The following SYMPK variants were observed in gnomAD, a reference collection of about 807,000 sequenced individuals.
SYMPK encodes the protein symplekin scaffold protein, also known as symplekin.
SYMPK carries 49 observed loss-of-function variants against 136.4 expected under a neutral mutation model. That is an observed-to-expected ratio of 0.36 (90% CI 0.29 to 0.46). The LOEUF (loss-of-function observed/expected upper bound fraction) is 0.46, where lower values mean the gene tolerates loss of function less well. Ranked by LOEUF, SYMPK falls within the 20% of genes least tolerant of loss-of-function variation. The probability of loss-of-function intolerance (pLI) is 1.00; values close to 1 mark genes in which losing one functional copy is unlikely to be tolerated. For missense variants in SYMPK, 1,365 were observed against 1,690.0 expected, an observed-to-expected ratio of 0.81 and a Z score of 3.37; for synonymous variants, 766 against 713.0, an observed-to-expected ratio of 1.07 and a Z score of -1.19.
At chr19:45,827,449 A>G in intron 16 of SYMPK, 61 bp downstream of exon 16, 2 of 1,224,638 alleles carry the variant, frequency 1.6e-6, no homozygotes, top group Admixed American at 1.7e-5. Flanking sequence ...GTTACTCAGG[A>G]TAGAGGCGGC....
chr19:45,836,939 T>C (rs929692122), intron 10 of SYMPK, among the ~76,000 whole-genome samples: 1 of 152,194 alleles, frequency 6.6e-6, no homozygotes, highest in African/African-American at 2.4e-5. Context: ...ATTAAAATTG[T>C]GGAATACAGC....
chr19:45,854,414 C>T lies in SYMPK; in HGVS notation c.82G>A (p.Asp28Asn), dbSNP rs371089842. 35 of 1,614,032 alleles carry T rather than the reference C, an allele frequency of 2.2e-5. No individual in the cohort carries two copies. The East Asian group carries it at 4.9e-4, about 23-fold the overall frequency. The change falls in exon 2 of 27, where the codon GAT (aspartate) becomes AAT (asparagine). Residue 28 changes from aspartate (D) to asparagine (N), a missense_variant. Around this residue, in one of 11 missense-constraint regions of SYMPK, gnomAD observed 61 missense variants for 80.7 expected, o/e 0.76. Coordinates refer to ENST00000245934, the MANE Select transcript of SYMPK (RefSeq NM_004819.3). ...ACCCTCTCTGAGGTGGTCATGCCAT[C>T]GATGCCCGGCCCCTCCTCTTGAGTG... The part of the protein sequence containing the change: ...FFTQEEGPGI[D>N]GMTTSERVVD...
At chr19:45,859,953 TA>T (rs61203536) in intron 1 of SYMPK, among the ~76,000 whole-genome samples, 40,564 of 84,470 alleles carry the variant, frequency 0.48, 9,413 homozygotes, top group Non-Finnish European at 0.55. Flanking sequence ...AGACTCCATC[TA>T]AAAAAAAAAA....
chr19:45,844,263 G>T, intron 7 of SYMPK, 63 bp from the exon 8 acceptor site: 1 of 1,381,272 alleles, frequency 7.2e-7, no homozygotes, highest in Non-Finnish European at 9.7e-7. Context: ...GGAGACAGCA[G>T]CTTTTGGGAC....
chr19:45,822,966 C>CAGAG, intron 20 of SYMPK, 120 bp from the exon 21 acceptor site: 1 of 765,806 alleles, frequency 1.3e-6, no homozygotes, highest in Non-Finnish European at 2.2e-6. Flanking sequence ...CTCACTGAGC[C>CAGAG]CCTCCTACCC....
intron 1 of SYMPK, among the ~76,000 whole-genome samples, chr19:45,859,325 T>C (rs1007437999): frequency 6.9e-6 from 1 of 145,478 alleles, no homozygotes; most frequent in Non-Finnish European, 1.5e-5. Flanking sequence ...GGGCATGGTG[T>C]GGTGGCTCAC....
intron 1 of SYMPK, among the ~76,000 whole-genome samples, chr19:45,857,206 G>A (rs1221109244): frequency 2.0e-5 from 3 of 151,672 alleles, no homozygotes; most frequent in African/African-American, 4.8e-5. Context: ...TCAGGAGATC[G>A]AGACCATCCT....
In SYMPK at chr19:45,821,730, G is replaced by A. The variant is rs1217035636; in HGVS notation, c.2792-245C>T. Reference sequence around the variant, plus strand: ...CCTGGGCTCCCACCCTGGGTAGCGTGTGGCACGGCTGGGTCTCTCTGCCCC... The same window carrying A: ...CCTGGGCTCCCACCCTGGGTAGCGTATGGCACGGCTGGGTCTCTCTGCCCC... On this transcript the variant is annotated intron_variant, in intron 21 of 26. Transcript: ENST00000245934. This position sits in a 1 kb window ranked among gnomAD's most constrained non-coding sequence, Gnocchi z 4.4. 2.6e-5 allele frequency among the ~76,000 whole-genome samples: 4 copies of A among 152,240 alleles called. No individual in the cohort carries two copies. The East Asian group carries it at 7.7e-4, about 29-fold the overall frequency.
At chr19:45,826,808 C>G (rs1009745904) in intron 16 of SYMPK, among the ~76,000 whole-genome samples, 1 of 152,222 alleles carries the variant, frequency 6.6e-6, no homozygotes, top group Non-Finnish European at 1.5e-5. Flanking sequence ...ATGGCCAGGG[C>G]CAGGGCCAGG....
intron 7 of SYMPK, among the ~76,000 whole-genome samples, chr19:45,844,691 T>C (rs1212375990): frequency 6.6e-6 from 1 of 151,570 alleles, no homozygotes; most frequent in East Asian, 1.9e-4. Flanking sequence ...AAAAAAAATT[T>C]AGTTATAAAG....
In SYMPK at chr19:45,815,607, G is replaced by A; in HGVS notation, c.3778C>T (p.Pro1260Ser). ...GGTTCCCTGGCGTCCTCGGCAGCCG[G>A]GCTGGGAGTCTTCATAGCATCTTCT... ...VGEDAMKTPSPAAEDAREPEA... is the reference protein window; with the variant it reads ...VGEDAMKTPSSAAEDAREPEA... Residue 1260 changes from proline (P) to serine (S), a missense_variant, in exon 27 of 27, where the codon CCG becomes TCG. Pro to Ser is a moderately conservative substitution (Grantham distance 74). Transcript: ENST00000245934. The A allele has an allele frequency of 6.2e-7, 1 of 1,608,412 alleles. No homozygotes were observed. The highest frequency in any genetic ancestry group is 1.1e-5 in the South Asian group (1 of 90,186).
chr19:45,858,069 G>C (rs1261361044), intron 1 of SYMPK, among the ~76,000 whole-genome samples: 1 of 152,166 alleles, frequency 6.6e-6, no homozygotes, highest in African/African-American at 2.4e-5. Flanking sequence ...AAATTGCTGG[G>C]ATTACAGGTG....
rs1971008537 is a variant in SYMPK at position 45,825,100 on chromosome 19, G to A, written c.2490+71C>T. 6 of 1,554,720 alleles carry A rather than the reference G, an allele frequency of 3.9e-6. No homozygotes were observed. The South Asian group carries it at 7.2e-5, about 19-fold the overall frequency. ...GCACACTCTGAGGTGGAGCAGGTTG[G>A]GGAAGAGCTGGAGCTGGGGACACAG... is the stretch of plus-strand genomic sequence containing the variant. On this transcript the variant is annotated intron_variant, in intron 18 of 26. Coordinates refer to ENST00000245934, the MANE Select transcript of SYMPK (RefSeq NM_004819.3).
intron 1 of SYMPK, among the ~76,000 whole-genome samples, chr19:45,861,600 G>C (rs763846962): frequency 6.6e-6 from 1 of 151,956 alleles, no homozygotes; most frequent in African/African-American, 2.4e-5. Context: ...TTAGCCAGGC[G>C]TGGTGGTGTG....
At chr19:45,842,623 A>C in intron 8 of SYMPK, 134 bp from the exon 9 acceptor site, 1 of 1,287,300 alleles carries the variant, frequency 7.8e-7, no homozygotes, top group Non-Finnish European at 1.1e-6. Flanking sequence ...CTCAGATCTA[A>C]CGTGTGGCTT....
At position 45,829,213 on chromosome 19, in the gene SYMPK, G is replaced by GAGGGTGAGCCAGCATGTCAGTGT; in HGVS notation, c.1750-31_1750-9dup. The GAGGGTGAGCCAGCATGTCAGTGT allele has an allele frequency of 6.2e-7, 1 of 1,610,710 alleles. No individual in the cohort carries two copies. ...CAGGATCTTTATGCGGACCTGGTGG[G>GAGGGTGAGCCAGCATGTCAGTGT]AGGGTGAGCCAGCATGTCAGTGTAG... is the stretch of plus-strand genomic sequence containing the variant. On this transcript the variant is annotated splice_polypyrimidine_tract_variant and intron_variant, in intron 13 of 26. Coordinates refer to ENST00000245934, the MANE Select transcript of SYMPK (RefSeq NM_004819.3).
At chr19:45,841,935 A>G (rs988602568) in intron 9 of SYMPK, among the ~76,000 whole-genome samples, 1 of 151,940 alleles carries the variant, frequency 6.6e-6, no homozygotes, top group Non-Finnish European at 1.5e-5. Context: ...TATTAAACGT[A>G]TATTTTGATA....
chr19:45,857,409 C>CAAAAAA (rs1161033225), intron 1 of SYMPK, among the ~76,000 whole-genome samples: 6 of 43,408 alleles, frequency 1.4e-4, no homozygotes, highest in East Asian at 9.5e-4. Flanking sequence ...GACTCTGTCT[C>CAAAAAA]AAAAAAAAAA....
intron 12 of SYMPK, chr19:45,830,558 G>C: frequency 4.6e-6 from 1 of 216,298 alleles, no homozygotes; most frequent in Non-Finnish European, 9.6e-6. Flanking sequence ...GGTAGCAGAA[G>C]AGAGCTCGGA....
Sources: allele counts gnomAD v4.1 joint callset (sites outside exome capture counted in the v4.1 genomes callset), GRCh38; gene constraint gnomAD v4.1.1; regional missense constraint gnomAD v4.1.1; non-coding constraint Gnocchi (gnomAD v3.1); transcripts MANE v1.5; gene names NCBI Gene and HGNC (gene_info 2026-07-23, HGNC 2026-07-21).